ITGA8: variants seen among roughly 807,000 people sequenced by gnomAD.
The protein encoded by ITGA8 is integrin alpha-8.
A neutral mutation model predicts 142.3 loss-of-function variants in ITGA8; 91 were observed. That is an observed-to-expected ratio of 0.64 (90% CI 0.54 to 0.76). The LOEUF (loss-of-function observed/expected upper bound fraction) is 0.76. ITGA8 is among the 30% of genes least tolerant of loss of function. The probability of loss-of-function intolerance (pLI) is 0.00; values close to 1 mark genes in which losing one functional copy is unlikely to be tolerated. For missense variants in ITGA8, 1,406 were observed against 1,327.7 expected (o/e 1.06, Z -0.92); for synonymous variants, 505 against 485.2 (o/e 1.04, Z -0.54).
At chr10:15,566,687 T>C (rs1181813054) in intron 25 of ITGA8, among the ~76,000 whole-genome samples, 2 of 151,918 alleles carry the variant, frequency 1.3e-5, no homozygotes, top group Non-Finnish European at 1.5e-5. Flanking sequence ...GGTACATTCC[T>C]GTAGTCCCAG....
chr10:15,661,941 C>T (rs527374208), intron 8 of ITGA8, among the ~76,000 whole-genome samples: 23 of 152,288 alleles, frequency 1.5e-4, no homozygotes, highest in African/African-American at 5.3e-4. Flanking sequence ...TAAAAACAAA[C>T]CACAATCAGA....
intron 28 of ITGA8, among the ~76,000 whole-genome samples, chr10:15,530,469 C>G (rs1833264934): frequency 7.3e-6 from 1 of 136,816 alleles, no homozygotes; most frequent in Non-Finnish European, 1.5e-5. Flanking sequence ...TTGCTTGAAC[C>G]TCGGAGGCAA....
intron 27 of ITGA8, among the ~76,000 whole-genome samples, chr10:15,540,309 G>C (rs955704767): frequency 6.6e-6 from 1 of 151,996 alleles, no homozygotes; most frequent in African/African-American, 2.4e-5. Context: ...TCCCTTCCCA[G>C]CCTCTGGTAA....
rs1351132292 is a variant in ITGA8 at position 15,516,901 on chromosome 10, G to A, written c.*257C>T. 2.0e-5 allele frequency: 7 copies of A among 356,150 alleles called. No individual in the cohort carries two copies. Among genetic ancestry groups the A allele is most frequent in the South Asian group, 1.3e-4 (4 of 31,722 alleles). 22.1% of individuals were successfully genotyped at this position (356,150 alleles called of 1,614,324 possible). ...TCAAAGTGTCTGCCAAGTACAGAAC[G>A]ATTAAAGCAAAAGAAAATCTTCCAC... On this transcript the variant is annotated 3_prime_UTR_variant, in exon 30 of 30. Transcript: ENST00000378076.
At chr10:15,628,549 G>T (rs1833629416) in intron 13 of ITGA8, among the ~76,000 whole-genome samples, 1 of 151,556 alleles carries the variant, frequency 6.6e-6, no homozygotes. Context: ...AGCCAGGATG[G>T]TCTTGATCTC....
At chr10:15,658,357 T>C (rs1404636688) in intron 10 of ITGA8, among the ~76,000 whole-genome samples, 1 of 152,174 alleles carries the variant, frequency 6.6e-6, no homozygotes, top group Non-Finnish European at 1.5e-5. Context: ...AGATTCATGT[T>C]AATACGAAAC....
chr10:15,559,312 A>G (rs1379782464), intron 25 of ITGA8, among the ~76,000 whole-genome samples: 11 of 152,046 alleles, frequency 7.2e-5, no homozygotes, highest in Admixed American at 6.6e-4. Flanking sequence ...CCCCAGGTAC[A>G]CTCGCCAAGC....
At position 15,519,288 on chromosome 10, in the gene ITGA8, A is replaced by G; in HGVS notation, c.3105+2T>C. ...AAAGGAAAACAAAGTAAATCAACTTACCTTCCATAAAGCTAAGGTTAAAAT... is the reference window on the plus strand; with the variant it reads ...AAAGGAAAACAAAGTAAATCAACTTGCCTTCCATAAAGCTAAGGTTAAAAT... On this transcript the variant is annotated splice_donor_variant, in intron 29 of 29. Transcript: ENST00000378076. LOFTEE classifies it high-confidence loss of function. 1.2e-6 allele frequency: 2 copies of G among 1,613,460 alleles called. No individual in the cohort carries two copies. The highest frequency in any genetic ancestry group is 2.2e-5 in the East Asian group (1 of 44,794).
intron 27 of ITGA8, among the ~76,000 whole-genome samples, chr10:15,535,473 T>C (rs1413721978): frequency 2.6e-5 from 4 of 152,176 alleles, no homozygotes; most frequent in Non-Finnish European, 4.4e-5. Flanking sequence ...ACTGTGTATG[T>C]AGCTCAAGGT....
chr10:15,567,134 G>A (rs1834094778), intron 25 of ITGA8, among the ~76,000 whole-genome samples: 1 of 148,168 alleles, frequency 6.7e-6, no homozygotes, highest in Admixed American at 6.7e-5. Flanking sequence ...TAGACTGACT[G>A]ACAGAGTAAG....
intron 12 of ITGA8, among the ~76,000 whole-genome samples, chr10:15,645,618 T>C (rs1161584613): frequency 6.6e-6 from 1 of 152,192 alleles, no homozygotes; most frequent in Non-Finnish European, 1.5e-5. Flanking sequence ...AAAGAATGTG[T>C]AAGAGAACAG....
intron 27 of ITGA8, among the ~76,000 whole-genome samples, chr10:15,547,769 C>T (rs796912083): frequency 5.3e-5 from 8 of 152,278 alleles, no homozygotes; most frequent in Admixed American, 2.6e-4. Flanking sequence ...AGAACAATCT[C>T]CCCTTTCCCT....
chr10:15,673,274 G>A (rs950071882), intron 6 of ITGA8, among the ~76,000 whole-genome samples: 5 of 152,082 alleles, frequency 3.3e-5, no homozygotes, highest in South Asian at 2.1e-4. Flanking sequence ...TAGTAGAGAC[G>A]CAGTTTCACT....
chr10:15,662,744 T>C (rs143091680), intron 8 of ITGA8, among the ~76,000 whole-genome samples: 15 of 152,332 alleles, frequency 9.8e-5, no homozygotes, highest in African/African-American at 3.4e-4. Context: ...AATATTTCCT[T>C]CATTTGCAGC....
chr10:15,526,905 C>G lies in ITGA8; in HGVS notation c.2982+4145G>C, dbSNP rs191750341. On this transcript the variant is annotated intron_variant, in intron 28 of 29. Transcript: ENST00000378076. ...TATGGAGGAAAGACCATAAATAAAC[C>G]TTTAATATGCCTACATTTTATTGTG... 3.0e-3 allele frequency among the ~76,000 whole-genome samples: 455 copies of G among 152,090 alleles called. 2 individuals are homozygous for G. The highest frequency in any genetic ancestry group is 0.011 in the African/African-American group (442 of 41,502).
intron 25 of ITGA8, among the ~76,000 whole-genome samples, chr10:15,565,362 T>C (rs1239193203): frequency 6.6e-6 from 1 of 152,100 alleles, no homozygotes; most frequent in African/African-American, 2.4e-5. Flanking sequence ...AGTTCTTTTT[T>C]GTTTTGTTTT....
At chr10:15,650,225 GAC>G (rs1294802879) in intron 11 of ITGA8, among the ~76,000 whole-genome samples, 1 of 152,122 alleles carries the variant, frequency 6.6e-6, no homozygotes, top group Non-Finnish European at 1.5e-5. Flanking sequence ...CTCTGGAAAA[GAC>G]ACAACTCTGA....
At chr10:15,672,413 C>G (rs1383729855) in intron 7 of ITGA8, among the ~76,000 whole-genome samples, 2 of 152,030 alleles carry the variant, frequency 1.3e-5, no homozygotes, top group Non-Finnish European at 2.9e-5. Context: ...TGCTATGGAG[C>G]CAACAAAATA....
At chr10:15,535,218 C>T (rs112799647) in intron 27 of ITGA8, among the ~76,000 whole-genome samples, 5 of 152,130 alleles carry the variant, frequency 3.3e-5, no homozygotes, top group Non-Finnish European at 5.9e-5. Context: ...GAGCCTCCCC[C>T]CACCCTCCGT....
Sources: allele counts gnomAD v4.1 joint callset (sites outside exome capture counted in the v4.1 genomes callset), GRCh38; gene constraint gnomAD v4.1.1; transcripts MANE v1.5; gene names NCBI Gene and HGNC (gene_info 2026-07-23, HGNC 2026-07-21).